ZPBP: variants seen among roughly 807,000 people sequenced by gnomAD.
ZPBP encodes the protein zona pellucida binding protein.
In ZPBP, 26 loss-of-function variants were observed where a neutral mutation model predicts 44.8. That is an observed-to-expected ratio of 0.58 (90% CI 0.43 to 0.81). ZPBP has a LOEUF of 0.81. ZPBP is among the 30% of genes least tolerant of loss of function. The pLI, the probability that ZPBP is intolerant of heterozygous loss-of-function variation, is 0.00. For missense variants in ZPBP, 409 were observed against 434.0 expected, an observed-to-expected ratio of 0.94 and a Z score of 0.51; for synonymous variants, 174 against 153.2, an observed-to-expected ratio of 1.14 and a Z score of -1.00.
Position 49,924,136 on chromosome 7 carries a change from A to AAATAAT in ZPBP, n.411+11609_411+11614dup, listed in dbSNP as rs59183596. The stretch of plus-strand genomic sequence containing the variant: ...AGACTCTGTCTCAAATAATAATAAT[A>AAATAAT]AATAATAATAATAATAATAATAACA... On this transcript the variant is annotated intron_variant and non_coding_transcript_variant, in intron 1 of 2. Coordinates refer to the ZPBP transcript ENST00000465922. Among the ~76,000 whole-genome samples the AAATAAT allele has an allele frequency of 3.9e-4, 59 of 149,460 alleles. 1 individual carries two copies. Among genetic ancestry groups the AAATAAT allele is most frequent in the Middle Eastern group, 7.0e-3 (2 of 286 alleles).
At chr7:50,055,070 T>A (rs1800867255) in intron 4 of ZPBP, among the ~76,000 whole-genome samples, 1 of 152,214 alleles carries the variant, frequency 6.6e-6, no homozygotes, top group Admixed American at 6.5e-5. Context: ...AATAGCACTA[T>A]GAATTCCCTG....
At chr7:49,899,029 C>T (rs1294578225) in intron 2 of ZPBP, among the ~76,000 whole-genome samples, 3 of 151,814 alleles carry the variant, frequency 2.0e-5, no homozygotes, top group Non-Finnish European at 4.4e-5. Context: ...CATAAATGGG[C>T]TATATACACC....
At position 49,981,622 on chromosome 7, in the gene ZPBP, T is replaced by TTA. The variant is rs1219875569; in HGVS notation, c.961+1718_961+1719dup. ...ATATAAATTATATAATTATATTATATTATATTATATTATATATTATATAAT... is the reference window on the plus strand; with the variant it reads ...ATATAAATTATATAATTATATTATATTATATATTATATTATATATTATATAAT... On this transcript the variant is annotated intron_variant, in intron 7 of 7. Transcript: ENST00000046087. 1.7e-3 allele frequency among the ~76,000 whole-genome samples: 16 copies of TTA among 9,530 alleles called. 4 individuals are homozygous for TTA. The highest frequency in any genetic ancestry group is 6.7e-3 in the South Asian group (2 of 298). The allele number at this position is 9,530 out of a possible 152,430, so 6.3% of individuals were successfully genotyped here. A position where few individuals can be genotyped will look rare whatever the true frequency, so the allele number is the denominator to read the frequency against.
intron 6 of ZPBP, among the ~76,000 whole-genome samples, chr7:50,009,506 C>T (rs6956818): frequency 0.5 from 76,220 of 151,348 alleles, 19,949 homozygotes; most frequent in East Asian, 0.67. Context: ...CTGAAAGCTC[C>T]TACCACAAGG....
At chr7:50,070,264 C>G (rs959845878) in intron 3 of ZPBP, among the ~76,000 whole-genome samples, 1 of 152,202 alleles carries the variant, frequency 6.6e-6, no homozygotes, top group African/African-American at 2.4e-5. Context: ...TCTGCCGCCC[C>G]CAGCCACTCT....
At chr7:49,890,271 T>C (rs1792073330) in intron 2 of ZPBP, among the ~76,000 whole-genome samples, 1 of 152,228 alleles carries the variant, frequency 6.6e-6, no homozygotes. Flanking sequence ...AATTCTATTA[T>C]ATAAATTATA....
At chr7:50,067,277 T>A (rs1010369184) in intron 3 of ZPBP, among the ~76,000 whole-genome samples, 1 of 152,228 alleles carries the variant, frequency 6.6e-6, no homozygotes, top group East Asian at 1.9e-4. Flanking sequence ...TGGGGGCCCA[T>A]ACAGCATTTA....
chr7:49,931,742 A>C (rs1794451969), intron 1 of ZPBP, among the ~76,000 whole-genome samples: 1 of 152,236 alleles, frequency 6.6e-6, no homozygotes, highest in African/African-American at 2.4e-5. Context: ...CCAAGACAAT[A>C]GGATAATGTC....
chr7:49,994,251 C>T (rs1797704551), intron 6 of ZPBP, among the ~76,000 whole-genome samples: 2 of 152,282 alleles, frequency 1.3e-5, no homozygotes, highest in South Asian at 2.1e-4. Context: ...CCAATAGCTG[C>T]CCACTTTTGG....
chr7:49,900,610 G>C (rs1331739504), intron 2 of ZPBP, among the ~76,000 whole-genome samples: 3 of 151,594 alleles, frequency 2.0e-5, no homozygotes, highest in African/African-American at 7.3e-5. Flanking sequence ...CACACAAAAT[G>C]AAATAGATAC....
intron 1 of ZPBP, among the ~76,000 whole-genome samples, chr7:49,911,663 A>G (rs1222654510): frequency 2.6e-5 from 4 of 151,844 alleles, no homozygotes; most frequent in African/African-American, 9.7e-5. Flanking sequence ...TTGGGAAGCC[A>G]AGGTGGGTGG....
At chr7:50,036,331 T>C (rs952288700) in intron 4 of ZPBP, among the ~76,000 whole-genome samples, 1 of 152,130 alleles carries the variant, frequency 6.6e-6, no homozygotes, top group African/African-American at 2.4e-5. Context: ...TTTTTCTTTT[T>C]AGTAGAGACA....
At chr7:49,876,590 CTG>C (rs1280652635) in intron 2 of ZPBP, among the ~76,000 whole-genome samples, 2 of 152,156 alleles carry the variant, frequency 1.3e-5, no homozygotes, top group Non-Finnish European at 2.9e-5. Context: ...TGGAGAAACT[CTG>C]TGAGCATTAA....
At position 49,976,468 on chromosome 7, in the gene ZPBP, C is replaced by T. The variant is rs1425923635; in HGVS notation, c.961+6874G>A. 3.9e-5 allele frequency among the ~76,000 whole-genome samples: 6 copies of T among 152,230 alleles called. No homozygotes were observed. In the East Asian group the frequency reaches 1.2e-3, roughly 29 times the overall value. On this transcript the variant is annotated intron_variant, in intron 7 of 7. Coordinates refer to ENST00000046087, the MANE Select transcript of ZPBP (RefSeq NM_007009.3). ...GTTTGATTTCAGCACGTAAACATGT[C>T]ATCCTATTGCCTTTTGGTATCTGTC...
chr7:49,894,950 T>A (rs201574389), intron 2 of ZPBP, among the ~76,000 whole-genome samples: 17 of 152,208 alleles, frequency 1.1e-4, no homozygotes, highest in Non-Finnish European at 2.2e-4. Context: ...TTTTAAGGGA[T>A]GGAAGATGGC....
downstream of ZPBP, among the ~76,000 whole-genome samples, chr7:49,933,394 C>G (rs550095884): frequency 6.6e-6 from 1 of 152,244 alleles, no homozygotes; most frequent in South Asian, 2.1e-4. Flanking sequence ...CTTGCTTAAA[C>G]AAAAGAAACT....
chr7:49,938,671 C>A (rs567774934), intron 7 of ZPBP, among the ~76,000 whole-genome samples: 73 of 152,316 alleles, frequency 4.8e-4, no homozygotes, highest in African/African-American at 1.6e-3. Context: ...GTGGTGCCAT[C>A]AAGCCTCATA....
intron 6 of ZPBP, among the ~76,000 whole-genome samples, chr7:49,991,770 A>T (rs899590101): frequency 3.3e-5 from 5 of 152,152 alleles, no homozygotes; most frequent in Non-Finnish European, 7.4e-5. Flanking sequence ...AATGAAATTT[A>T]AAAATAGGAA....
intron 2 of ZPBP, among the ~76,000 whole-genome samples, chr7:49,888,495 A>C (rs1330057954): frequency 1.3e-5 from 2 of 152,152 alleles, no homozygotes; most frequent in Non-Finnish European, 2.9e-5. Flanking sequence ...GTACCATGTC[A>C]CTATGAAGGG....
Sources: allele counts gnomAD v4.1 joint callset (sites outside exome capture counted in the v4.1 genomes callset), GRCh38; gene constraint gnomAD v4.1.1; transcripts MANE v1.5; gene names NCBI Gene and HGNC (gene_info 2026-07-23, HGNC 2026-07-21).